Variants in TRAT1 observed in about 807,000 individuals in gnomAD.
TRAT1 encodes the protein T cell receptor associated transmembrane adaptor 1.
Under a neutral mutation model 20.0 loss-of-function variants are expected in TRAT1, and 20 were observed. The observed-to-expected ratio is 1.00, with a 90% confidence interval of 0.70 to 1.45. The LOEUF is 1.45. TRAT1 is among the 40% of genes most tolerant of loss of function. The probability of loss-of-function intolerance (pLI) is 0.00; values close to 1 mark genes in which losing one functional copy is unlikely to be tolerated. For missense variants in TRAT1, 237 were observed against 224.1 expected, an observed-to-expected ratio of 1.06 and a Z score of -0.37; for synonymous variants, 77 against 74.2, an observed-to-expected ratio of 1.04 and a Z score of -0.20.
chr3:108,824,732 A>G (rs760920689), intron 1 of TRAT1, among the ~76,000 whole-genome samples: 1 of 152,168 alleles, frequency 6.6e-6, no homozygotes, highest in African/African-American at 2.4e-5. Flanking sequence ...TATCTTTCCC[A>G]GTTCATACTT....
At chr3:108,850,532 C>T (rs1945989340) in intron 5 of TRAT1, among the ~76,000 whole-genome samples, 3 of 151,922 alleles carry the variant, frequency 2.0e-5, no homozygotes, top group Admixed American at 2.0e-4. Flanking sequence ...CGCAAACTCC[C>T]GACCGCAGTG....
At chr3:108,853,301 G>A (rs1200283717) in intron 5 of TRAT1, among the ~76,000 whole-genome samples, 1 of 152,094 alleles carries the variant, frequency 6.6e-6, no homozygotes, top group Non-Finnish European at 1.5e-5. Context: ...GCGACACAGG[G>A]CCAGAACTAC....
chr3:108,833,519 T>C (rs1381984531), intron 2 of TRAT1, among the ~76,000 whole-genome samples: 3 of 152,220 alleles, frequency 2.0e-5, no homozygotes, highest in Non-Finnish European at 4.4e-5. Context: ...AAGCATGCCA[T>C]AAGCAGCTCT....
At chr3:108,830,920 T>C (rs1945786765) in intron 2 of TRAT1, 140 bp downstream of exon 2, 4 of 620,736 alleles carry the variant, frequency 6.4e-6, no homozygotes. Context: ...ATTTGCTAAT[T>C]TTTCTCGCCC....
intron 2 of TRAT1, among the ~76,000 whole-genome samples, chr3:108,835,025 C>T (rs192472563): frequency 8.5e-5 from 13 of 152,152 alleles, no homozygotes; most frequent in African/African-American, 2.9e-4. Context: ...CTTTGTTTAA[C>T]TCTTCCTCTC....
At chr3:108,848,691 A>C (rs1054391042) in intron 4 of TRAT1, among the ~76,000 whole-genome samples, 2 of 152,220 alleles carry the variant, frequency 1.3e-5, no homozygotes, top group Non-Finnish European at 2.9e-5. Context: ...CTTTTTCAAA[A>C]TTAAGATGTG....
At chr3:108,844,340 C>T (rs1186190518) in intron 3 of TRAT1, among the ~76,000 whole-genome samples, 2 of 147,074 alleles carry the variant, frequency 1.4e-5, no homozygotes, top group African/African-American at 5.1e-5. Flanking sequence ...TTTTTTGAGA[C>T]GGAGTCTCGC....
At chr3:108,849,432 A>G (rs941404079) in intron 5 of TRAT1, among the ~76,000 whole-genome samples, 178 bp downstream of exon 5, 18 of 152,242 alleles carry the variant, frequency 1.2e-4, no homozygotes, top group African/African-American at 4.1e-4. Flanking sequence ...TCAAAGAGTC[A>G]AAATTGTACA....
intron 1 of TRAT1, among the ~76,000 whole-genome samples, chr3:108,827,573 A>C (rs2107506024): frequency 6.6e-6 from 1 of 152,270 alleles, no homozygotes; most frequent in Middle Eastern, 3.4e-3. Context: ...GTCATAAAAT[A>C]CAAAGCCTCC....
rs188441907 is a variant in TRAT1, at chr3:108,825,137, T to A, written c.7+2203T>A. On this transcript the variant is annotated intron_variant, in intron 1 of 5. Coordinates refer to ENST00000295756, the MANE Select transcript of TRAT1 (RefSeq NM_016388.4). ...ATCAGATGATAGTATTTTTTATATT[T>A]AGATAGGTAAAATAAAAAATAAAAT... Among the ~76,000 whole-genome samples, 46 of 152,194 alleles carry A rather than the reference T, an allele frequency of 3.0e-4. No homozygotes were observed. The East Asian group carries it at 8.7e-3, about 29-fold the overall frequency.
intron 4 of TRAT1, among the ~76,000 whole-genome samples, chr3:108,848,194 A>C (rs1254330381): frequency 1.6e-4 from 25 of 152,142 alleles, no homozygotes; most frequent in Non-Finnish European, 2.9e-5. Context: ...TGCCGCTTGC[A>C]CACATTCTGA....
chr3:108,854,127 C>T lies in TRAT1; in HGVS notation c.*250C>T, dbSNP rs187437223. On this transcript the variant is annotated 3_prime_UTR_variant, in exon 6 of 6. Transcript: ENST00000295756. ...ATGTAAAAAATTAATGTGCTCACCT[C>T]GGCAGCACATATACTAAAAATTAAT... The T allele has an allele frequency of 3.5e-5, 13 of 372,270 alleles. No homozygotes were observed. The East Asian group carries it at 4.1e-4, about 12-fold the overall frequency. The allele number at this position is 372,270 out of a possible 1,614,324, so 23.1% of individuals were successfully genotyped here.
intron 5 of TRAT1, among the ~76,000 whole-genome samples, chr3:108,852,392 C>T (rs905708763): frequency 1.7e-4 from 8 of 48,062 alleles, no homozygotes; most frequent in African/African-American, 4.8e-4. Context: ...AAAAAACACA[C>T]GCATGCACAC....
At chr3:108,839,895 T>C (rs1009992296) in intron 3 of TRAT1, among the ~76,000 whole-genome samples, 1 of 152,076 alleles carries the variant, frequency 6.6e-6, no homozygotes, top group Non-Finnish European at 1.5e-5. Context: ...GAAATTTTAC[T>C]TTTTTTGTAT....
chr3:108,850,427 C>T (rs1945988159), intron 5 of TRAT1, among the ~76,000 whole-genome samples: 1 of 152,052 alleles, frequency 6.6e-6, no homozygotes, highest in African/African-American at 2.4e-5. Flanking sequence ...GCCTCAGCCT[C>T]CCAAGTAGCT....
intron 3 of TRAT1, among the ~76,000 whole-genome samples, chr3:108,839,851 T>TA (rs961778286): frequency 1.5e-4 from 23 of 151,902 alleles, no homozygotes; most frequent in Admixed American, 3.3e-4. Context: ...TACATTTTTT[T>TA]AAAAAAAATA....
intron 3 of TRAT1, among the ~76,000 whole-genome samples, chr3:108,840,804 A>C (rs1945889965): frequency 6.6e-6 from 1 of 152,238 alleles, no homozygotes; most frequent in Admixed American, 6.5e-5. Flanking sequence ...AAGTGAGCTT[A>C]TTACTTACTC....
At chr3:108,847,755 G>A (rs954188668) in intron 4 of TRAT1, among the ~76,000 whole-genome samples, 4 of 152,212 alleles carry the variant, frequency 2.6e-5, no homozygotes, top group African/African-American at 9.6e-5. Flanking sequence ...TCTGATTCTA[G>A]AGTTCTGATG....
chr3:108,833,851 G>GACTTAGTA (rs1236108491), intron 2 of TRAT1, among the ~76,000 whole-genome samples: 2 of 151,190 alleles, frequency 1.3e-5, no homozygotes, highest in Non-Finnish European at 2.9e-5. Flanking sequence ...TAGTGCTGGG[G>GACTTAGTA]ACTTAGTAGG....
Sources: gnomAD v4.1 joint callset for allele counts (sites outside exome capture counted in the v4.1 genomes callset) on GRCh38, gnomAD v4.1.1 for gene constraint, MANE v1.5 for transcripts, NCBI Gene and HGNC (gene_info 2026-07-23, HGNC 2026-07-21) for gene names.